Variants in OSBPL6 observed in about 807,000 individuals in gnomAD.
The protein encoded by OSBPL6 is oxysterol-binding protein-related protein 6.
A neutral mutation model predicts 125.8 loss-of-function variants in OSBPL6; 49 were observed. That is an observed-to-expected ratio of 0.39 (90% confidence interval 0.31 to 0.49). OSBPL6 has a LOEUF of 0.49. OSBPL6 is among the 20% of genes least tolerant of loss of function. The probability of loss-of-function intolerance (pLI) is 0.88; values close to 1 mark genes in which losing one functional copy is unlikely to be tolerated. For missense variants in OSBPL6, 986 were observed against 1,135.4 expected (o/e 0.87, Z 1.89); for synonymous variants, 394 against 391.8 (o/e 1.01, Z -0.07).
At chr2:178,381,597 C>T (rs1299757288) in intron 15 of OSBPL6, among the ~76,000 whole-genome samples, 1 of 152,146 alleles carries the variant, frequency 6.6e-6, no homozygotes, top group East Asian at 1.9e-4. Flanking sequence ...TTGTGATCTG[C>T]CTGCCTCAGC....
intron 11 of OSBPL6, among the ~76,000 whole-genome samples, chr2:178,341,811 C>A (rs1169230246): frequency 6.6e-6 from 1 of 152,102 alleles, no homozygotes; most frequent in Non-Finnish European, 1.5e-5. Context: ...ATCTGTGGAC[C>A]TTTTCTGCTT....
intron 2 of OSBPL6, among the ~76,000 whole-genome samples, chr2:178,291,447 C>T (rs1685253261): frequency 6.6e-6 from 1 of 152,164 alleles, no homozygotes; most frequent in Non-Finnish European, 1.5e-5. Context: ...CTAAATAAAG[C>T]AGAGAGACTG....
At chr2:178,392,723 T>C (rs1210899443) in intron 23 of OSBPL6, among the ~76,000 whole-genome samples, 185 bp downstream of exon 23, 1 of 151,826 alleles carries the variant, frequency 6.6e-6, no homozygotes, top group Non-Finnish European at 1.5e-5. Context: ...TAGCTGGGTG[T>C]GGTGGGGCAT....
intron 2 of OSBPL6, among the ~76,000 whole-genome samples, chr2:178,288,427 G>A (rs982796513): frequency 1.3e-5 from 2 of 152,180 alleles, no homozygotes; most frequent in Non-Finnish European, 2.9e-5. Context: ...TCTCGCCTGT[G>A]CATTCATTGT....
chr2:178,297,579 G>A (rs905177408), intron 2 of OSBPL6, among the ~76,000 whole-genome samples: 1 of 152,222 alleles, frequency 6.6e-6, no homozygotes, highest in African/African-American at 2.4e-5. Context: ...AATGGCTTTT[G>A]TGGCTCATGA....
At position 178,263,023 on chromosome 2, in the gene OSBPL6, C is replaced by T. The variant is rs114288258; in HGVS notation, c.-350-21904C>T. On this transcript the variant is annotated intron_variant, in intron 1 of 24. Transcript: ENST00000190611. ...GTTAGAAATTCTAGACTCAGTCTTT[C>T]GATGCTATAGTTTCAAATTTATCAT... Among the ~76,000 whole-genome samples the T allele has an allele frequency of 2.6e-3, 395 of 151,946 alleles. 2 individuals are homozygous for T. The highest frequency in any genetic ancestry group is 0.014 in the Middle Eastern group (4 of 294).
intron 4 of OSBPL6, among the ~76,000 whole-genome samples, chr2:178,324,623 G>A (rs1226828700): frequency 6.6e-6 from 1 of 152,104 alleles, no homozygotes; most frequent in African/African-American, 2.4e-5. Flanking sequence ...AATAATAACA[G>A]CTACCATTAT....
intron 2 of OSBPL6, among the ~76,000 whole-genome samples, chr2:178,302,965 C>A (rs1348699704): frequency 6.6e-6 from 1 of 152,112 alleles, no homozygotes; most frequent in East Asian, 1.9e-4. Context: ...CTTTTTGGCT[C>A]AAGAGTCAGT....
Position 178,335,641 on chromosome 2 carries a change from A to G in OSBPL6, c.658-660A>G, listed in dbSNP as rs191755938. Among the ~76,000 whole-genome samples the G allele has an allele frequency of 1.9e-3, 290 of 152,318 alleles. 2 individuals are homozygous for G. Among genetic ancestry groups the G allele is most frequent in the Middle Eastern group, 3.4e-3 (1 of 294 alleles). ...AAGTCAACTATGGAGTTTTAAAATT[A>G]TTTCAATTTTTTAAGAATTAAGTTT... is the stretch of plus-strand genomic sequence containing the variant. On this transcript the variant is annotated intron_variant, in intron 8 of 24. Coordinates refer to ENST00000190611, the MANE Select transcript of OSBPL6 (RefSeq NM_032523.4).
intron 13 of OSBPL6, among the ~76,000 whole-genome samples, chr2:178,362,826 T>A (rs1004454206): frequency 5.9e-5 from 9 of 152,220 alleles, no homozygotes; most frequent in African/African-American, 2.2e-4. Context: ...CTGAGGGGCA[T>A]ATGCTGCTTC....
intron 3 of OSBPL6, among the ~76,000 whole-genome samples, chr2:178,313,049 C>A (rs542112521): frequency 6.6e-6 from 1 of 152,064 alleles, no homozygotes; most frequent in Admixed American, 6.5e-5. Flanking sequence ...GCGCCCAACA[C>A]CACGCCCAGC....
At position 178,362,482 on chromosome 2, in the gene OSBPL6, G is replaced by A. The variant is rs553836675; in HGVS notation, c.1287+667G>A. Among the ~76,000 whole-genome samples the A allele has an allele frequency of 5.3e-5, 8 of 152,256 alleles. No individual in the cohort carries two copies. The South Asian group carries it at 1.5e-3, about 28-fold the overall frequency. ...CAACTGAGTAGTTCCTTAGAAGTAA[G>A]TATTTTCTTTAGTCTATAAATGCAC... On this transcript the variant is annotated intron_variant, in intron 13 of 24. Transcript: ENST00000190611.
In OSBPL6 at chr2:178,372,206, T is replaced by A; in HGVS notation, c.1368T>A (p.Ser456Arg). ...CTATTATTTGTGATCAGGTTGTCAG[T>A]GTAAATATTATTCCTAGCCCTGATG... is the stretch of plus-strand genomic sequence containing the variant. ...SESIICDQVV[S>R]VNIIPSPDEA... Residue 456 changes from serine (S) to arginine (R), a missense_variant, in exon 14 of 25, where the codon AGT becomes AGA. Around this residue, in one of 3 missense-constraint regions of OSBPL6, gnomAD observed 843 missense variants for 997.3 expected, o/e 0.85. Transcript: ENST00000190611. 6.2e-7 allele frequency: 1 copy of A among 1,612,920 alleles called. No individual in the cohort carries two copies.
intron 1 of OSBPL6, among the ~76,000 whole-genome samples, chr2:178,279,389 G>A (rs1683900939): frequency 6.6e-6 from 1 of 152,190 alleles, no homozygotes; most frequent in African/African-American, 2.4e-5. Context: ...TCCTGAATGA[G>A]CCATTCAGAA....
intron 11 of OSBPL6, among the ~76,000 whole-genome samples, chr2:178,343,592 T>C (rs972783512): frequency 8.5e-5 from 13 of 152,090 alleles, no homozygotes; most frequent in African/African-American, 3.1e-4. Context: ...TGCTTTCAGG[T>C]TTTCATAGTT....
chr2:178,354,406 T>C (rs1463920112), intron 12 of OSBPL6, among the ~76,000 whole-genome samples: 2 of 151,018 alleles, frequency 1.3e-5, no homozygotes, highest in African/African-American at 4.9e-5. Context: ...ACCAAGCAAA[T>C]GGAAAGCAAA....
In OSBPL6 at chr2:178,304,517, C is replaced by T. The variant is rs538477843; in HGVS notation, c.-155-1513C>T. Among the ~76,000 whole-genome samples, 7 of 152,290 alleles carry T rather than the reference C, an allele frequency of 4.6e-5. No homozygotes were observed. In the South Asian group the frequency reaches 1.2e-3, roughly 27 times the overall value. ...ACTTCTCATCTGGTTCCTCCCATGA[C>T]ATATGGGGATTATGGGAACTACAAT... On this transcript the variant is annotated intron_variant, in intron 2 of 24. Transcript: ENST00000190611.
At chr2:178,311,808 C>T (rs1449797643) in intron 3 of OSBPL6, among the ~76,000 whole-genome samples, 1 of 152,166 alleles carries the variant, frequency 6.6e-6, no homozygotes, top group African/African-American at 2.4e-5. Flanking sequence ...AGAGCACAGT[C>T]CCTTCCTCTT....
chr2:178,311,049 C>T (rs1198820189), intron 3 of OSBPL6, among the ~76,000 whole-genome samples: 1 of 152,212 alleles, frequency 6.6e-6, no homozygotes, highest in African/African-American at 2.4e-5. Context: ...GTGAGCCACT[C>T]TTCTGCACCA....
Sources: allele counts gnomAD v4.1 joint callset (sites outside exome capture counted in the v4.1 genomes callset), GRCh38; gene constraint gnomAD v4.1.1; regional missense constraint gnomAD v4.1.1; transcripts MANE v1.5; gene names NCBI Gene and HGNC (gene_info 2026-07-23, HGNC 2026-07-21).